The following DPM1 variants were observed in gnomAD, a reference collection of about 807,000 sequenced individuals.
DPM1 encodes dolichol-phosphate mannosyltransferase subunit 1.
A neutral mutation model predicts 39.0 loss-of-function variants in DPM1; 27 were observed. The ratio of observed to expected loss-of-function variants is 0.69; its 90% CI spans 0.51 to 0.95. The LOEUF is 0.95. DPM1 is among the 40% of genes least tolerant of loss of function. The pLI is 0.00. For synonymous variants in DPM1, 124 were observed against 109.0 expected, an observed-to-expected ratio of 1.14 and a Z score of -0.86; for missense variants, 307 against 315.6, an observed-to-expected ratio of 0.97 and a Z score of 0.21.
At chr20:50,939,426 C>T (rs1379937977) in intron 7 of DPM1, among the ~76,000 whole-genome samples, 2 of 151,900 alleles carry the variant, frequency 1.3e-5, no homozygotes, top group African/African-American at 2.4e-5. Context: ...AGTGCAGTGG[C>T]GCGATCTCAG....
Position 50,958,469 on chromosome 20 carries a change from C to T in DPM1, c.55G>A (p.Val19Met), listed in dbSNP as rs765125629. ...TATTTGTTCTGTCGTGGACTGCGCA[C>T]TTCCAGCTCCCGCCGAGACCTGCGA... is the stretch of plus-strand genomic sequence containing the variant. ...SPRRSRRELE[V>M]RSPRQNKYSV... The change falls in exon 1 of 9, where the codon GTG becomes ATG. Residue 19 changes from valine (V) to methionine (M), a missense_variant. By Grantham distance (21) the Val-to-Met change is conservative. This residue lies in a region of DPM1 where 206 missense variants were observed against 188.2 expected (regional missense o/e 1.09). Coordinates refer to ENST00000371588, the MANE Select transcript of DPM1 (RefSeq NM_003859.3). The T allele has an allele frequency of 2.5e-5, 41 of 1,613,896 alleles. No individual in the cohort carries two copies. Among genetic ancestry groups the T allele is most frequent in the South Asian group, 9.9e-5 (9 of 91,054 alleles).
At chr20:50,935,653 T>C (rs1985085522) in intron 8 of DPM1, among the ~76,000 whole-genome samples, 1 of 152,210 alleles carries the variant, frequency 6.6e-6, no homozygotes, top group South Asian at 2.1e-4. Context: ...TCCATAGCTA[T>C]TTTCTTGCTC....
At chr20:50,935,851 G>GA (rs1985110452) in intron 8 of DPM1, among the ~76,000 whole-genome samples, 1 of 152,122 alleles carries the variant, frequency 6.6e-6, no homozygotes, top group Admixed American at 6.5e-5. Flanking sequence ...GTGACAAAAG[G>GA]AAAAGAAGCA....
chr20:50,943,786 C>A lies in DPM1; in HGVS notation c.399-1660G>T, dbSNP rs1394401459. 9.6e-5 allele frequency among the ~76,000 whole-genome samples: 14 copies of A among 145,158 alleles called. No homozygotes were observed. The South Asian group carries it at 2.8e-3, about 29-fold the overall frequency. ...ATGGAGTCTCGCTCTGTCGCCCAGG[C>A]TGGAGTGCAGTGGCGCGATCTTGGC... is the stretch of plus-strand genomic sequence containing the variant. On this transcript the variant is annotated intron_variant, in intron 5 of 8. Coordinates refer to ENST00000371588, the MANE Select transcript of DPM1 (RefSeq NM_003859.3).
intron 7 of DPM1, among the ~76,000 whole-genome samples, chr20:50,937,137 G>A (rs1985245984): frequency 1.3e-5 from 2 of 151,566 alleles, no homozygotes; most frequent in African/African-American, 4.9e-5. Flanking sequence ...AAAGCAAGAA[G>A]AGGCAGTTTG....
At chr20:50,954,112 A>G (rs1986714447) in intron 2 of DPM1, among the ~76,000 whole-genome samples, 1 of 152,192 alleles carries the variant, frequency 6.6e-6, no homozygotes, top group East Asian at 1.9e-4. Context: ...ACTGACACTC[A>G]CCTCTAAGTA....
chr20:50,955,485 C>T (rs1986779666), intron 1 of DPM1, among the ~76,000 whole-genome samples, 200 bp from the exon 2 acceptor site: 1 of 152,206 alleles, frequency 6.6e-6, no homozygotes, highest in African/African-American at 2.4e-5. Flanking sequence ...CTGAAACATG[C>T]TAATGTCCTG....
intron 8 of DPM1, among the ~76,000 whole-genome samples, chr20:50,935,586 C>T (rs1260072500): frequency 6.6e-6 from 1 of 152,192 alleles, no homozygotes; most frequent in Non-Finnish European, 1.5e-5. Context: ...TCAAATTTAG[C>T]TACAATGGTT....
chr20:50,944,921 G>A (rs1986170426), intron 5 of DPM1: 1 of 152,202 alleles, frequency 6.6e-6, no homozygotes, highest in Non-Finnish European at 1.5e-5. Flanking sequence ...ACTATTTGGT[G>A]TGGTATTTGT....
rs1475121530 is a variant in DPM1, at chr20:50,942,014, G to GT, written c.494+16dup. 9 of 1,591,504 alleles carry GT rather than the reference G, an allele frequency of 5.7e-6. No homozygotes were observed. In the Admixed American group the frequency reaches 1.5e-4, roughly 27 times the overall value. The stretch of plus-strand genomic sequence containing the variant: ...CAGTAGTTATACTAATAAAGAAGTT[G>GT]TAACACATGTACCTACCTGATTATT... On this transcript the variant is annotated intron_variant, in intron 6 of 8. Transcript: ENST00000371588.
At chr20:50,944,714 G>T (rs1431664993) in intron 5 of DPM1, 1 of 152,200 alleles carries the variant, frequency 6.6e-6, no homozygotes, top group Non-Finnish European at 1.5e-5. Flanking sequence ...ACTCAGAACA[G>T]CTTCCAAAAT....
intron 7 of DPM1, among the ~76,000 whole-genome samples, chr20:50,937,699 CAA>C (rs1342735887): frequency 6.6e-6 from 1 of 152,044 alleles, no homozygotes; most frequent in Non-Finnish European, 1.5e-5. Flanking sequence ...TTTCCAGGCT[CAA>C]AAGATCCTCC....
At chr20:50,940,973 A>G (rs773777136) in intron 6 of DPM1, 40 bp from the exon 7 acceptor site, 19 of 1,584,290 alleles carry the variant, frequency 1.2e-5, no homozygotes, top group Non-Finnish European at 1.5e-5. Context: ...ACAAAATACA[A>G]TTTATAAACA....
chr20:50,947,229 G>A (rs896451039), intron 3 of DPM1, among the ~76,000 whole-genome samples: 11 of 152,090 alleles, frequency 7.2e-5, no homozygotes, highest in Non-Finnish European at 1.3e-4. Context: ...AAATTAGCCG[G>A]GCATGGTGGT....
intron 5 of DPM1, chr20:50,944,711 A>G (rs1371271009): frequency 6.6e-6 from 1 of 152,242 alleles, no homozygotes; most frequent in Non-Finnish European, 1.5e-5. Flanking sequence ...TAAACTCAGA[A>G]CAGCTTCCAA....
At chr20:50,954,550 CA>C (rs1211554801) in intron 2 of DPM1, among the ~76,000 whole-genome samples, 7 of 152,004 alleles carry the variant, frequency 4.6e-5, no homozygotes, top group Non-Finnish European at 7.4e-5. Context: ...AACCGGTAAC[CA>C]AAAATAAAAT....
intron 2 of DPM1, among the ~76,000 whole-genome samples, chr20:50,953,944 T>C (rs112884504): frequency 2.1e-4 from 32 of 152,240 alleles, no homozygotes; most frequent in African/African-American, 6.5e-4. Flanking sequence ...TTTTTACCTC[T>C]TTCTGTATTC....
chr20:50,956,767 C>A lies in DPM1; in HGVS notation c.162-1482G>T, dbSNP rs561898672. The stretch of plus-strand genomic sequence containing the variant: ...AAATATGTAAGGTGATTTTAATAGA[C>A]GTGCTGAAAGAGAAATTCCATAAAC... On this transcript the variant is annotated intron_variant, in intron 1 of 8. Transcript: ENST00000371588. Among the ~76,000 whole-genome samples the A allele has an allele frequency of 8.5e-5, 13 of 152,196 alleles. No individual in the cohort carries two copies. In the East Asian group the frequency reaches 2.5e-3, roughly 29 times the overall value.
intron 2 of DPM1, among the ~76,000 whole-genome samples, chr20:50,951,428 G>A (rs1986570861): frequency 6.6e-6 from 1 of 152,190 alleles, no homozygotes. Context: ...ACACATATAT[G>A]CACAAAAAAA....
Sources: allele counts gnomAD v4.1 joint callset (sites outside exome capture counted in the v4.1 genomes callset), GRCh38; gene constraint gnomAD v4.1.1; regional missense constraint gnomAD v4.1.1; transcripts MANE v1.5; gene names NCBI Gene and HGNC (gene_info 2026-07-23, HGNC 2026-07-21).